Variants in SEMA5A observed in about 807,000 individuals in gnomAD.
The protein encoded by SEMA5A is semaphorin-5A.
In SEMA5A, 55 loss-of-function variants were observed where a neutral mutation model predicts 135.5. The ratio of observed to expected loss-of-function variants is 0.41; its 90% CI spans 0.33 to 0.51. SEMA5A has a LOEUF of 0.51. Among genes scored for constraint, SEMA5A ranks in the 20% least tolerant of loss-of-function variants. The probability of loss-of-function intolerance (pLI) is 0.37; values close to 1 mark genes in which losing one functional copy is unlikely to be tolerated. For missense variants in SEMA5A, 1,290 were observed against 1,419.9 expected, an observed-to-expected ratio of 0.91 and a Z score of 1.47; for synonymous variants, 580 against 546.5, an observed-to-expected ratio of 1.06 and a Z score of -0.85.
At chr5:9,216,831 G>C (rs114969421) in intron 8 of SEMA5A, among the ~76,000 whole-genome samples, 1,539 of 152,188 alleles carry the variant, frequency 0.01, 34 homozygotes, top group African/African-American at 0.035. Flanking sequence ...CCATTTGCTT[G>C]GTAGATTTTT....
At chr5:9,518,743 A>T (rs1736659938) in intron 1 of SEMA5A, among the ~76,000 whole-genome samples, 1 of 152,186 alleles carries the variant, frequency 6.6e-6, no homozygotes, top group Non-Finnish European at 1.5e-5. Flanking sequence ...GCTTGATCTT[A>T]ATGGAACCCC....
intron 1 of SEMA5A, among the ~76,000 whole-genome samples, chr5:9,501,754 G>A (rs910308767): frequency 2.6e-5 from 4 of 152,076 alleles, no homozygotes; most frequent in African/African-American, 4.8e-5. Context: ...GGTTCCAATC[G>A]TCACCCCAAG....
chr5:9,060,683 C>G (rs1737136278), intron 18 of SEMA5A, among the ~76,000 whole-genome samples: 1 of 152,030 alleles, frequency 6.6e-6, no homozygotes, highest in Non-Finnish European at 1.5e-5. Context: ...AGCAGAGACA[C>G]CCTAGGAGGA....
intron 1 of SEMA5A, among the ~76,000 whole-genome samples, chr5:9,535,138 T>C (rs16883076): frequency 1.3e-5 from 2 of 152,190 alleles, no homozygotes; most frequent in African/African-American, 4.8e-5. Flanking sequence ...GGCTTTCCTA[T>C]GCAGCAAGAC....
At chr5:9,129,123 G>C (rs117631769) in intron 13 of SEMA5A, among the ~76,000 whole-genome samples, 2 of 152,342 alleles carry the variant, frequency 1.3e-5, no homozygotes, top group East Asian at 3.9e-4. Context: ...CAAAAGAGGA[G>C]CTCATAAGAA....
intron 5 of SEMA5A, among the ~76,000 whole-genome samples, chr5:9,281,613 T>C (rs1031431658): frequency 6.6e-6 from 1 of 152,206 alleles, no homozygotes; most frequent in African/African-American, 2.4e-5. Flanking sequence ...ACTTATGGAC[T>C]AACAGGGTTC....
Position 9,323,056 on chromosome 5 carries a change from T to G in SEMA5A, c.225-4639A>C, listed in dbSNP as rs201422391. ...GAGGAGAACAGTTTGAGCCTACGGG[T>G]CTGGCTGTTTAAATGGCACCTCTTT... On this transcript the variant is annotated intron_variant, in intron 4 of 22. Coordinates refer to ENST00000382496, the MANE Select transcript of SEMA5A (RefSeq NM_003966.3). Among the ~76,000 whole-genome samples, 3 of 152,232 alleles carry G rather than the reference T, an allele frequency of 2.0e-5. No homozygotes were observed. In the East Asian group the frequency reaches 5.8e-4, roughly 29 times the overall value.
intron 8 of SEMA5A, among the ~76,000 whole-genome samples, chr5:9,219,089 T>G (rs141491674): frequency 6.6e-6 from 1 of 152,222 alleles, no homozygotes; most frequent in Non-Finnish European, 1.5e-5. Context: ...GTAAGACAAA[T>G]TTATGCCCCA....
chr5:9,448,443 T>C (rs911673831), intron 1 of SEMA5A, among the ~76,000 whole-genome samples: 1 of 152,196 alleles, frequency 6.6e-6, no homozygotes, highest in East Asian at 1.9e-4. Context: ...AGCAGGGAGT[T>C]AGCCCCGCCC....
chr5:9,497,904 C>A (rs940775684), intron 1 of SEMA5A, among the ~76,000 whole-genome samples: 4 of 152,174 alleles, frequency 2.6e-5, no homozygotes, highest in African/African-American at 7.2e-5. Context: ...CTATTATTTT[C>A]TAACTTAGTA....
chr5:9,343,399 G>A (rs761485616), intron 3 of SEMA5A, among the ~76,000 whole-genome samples: 25 of 152,216 alleles, frequency 1.6e-4, no homozygotes, highest in Non-Finnish European at 3.1e-4. Context: ...ACAAGGTACT[G>A]TCCTGAAAAT....
intron 19 of SEMA5A, 115 bp downstream of exon 19, chr5:9,053,972 G>T (rs1473782419): frequency 5.8e-6 from 7 of 1,217,046 alleles, no homozygotes; most frequent in Non-Finnish European, 6.8e-6. Flanking sequence ...TTGCTAACTT[G>T]CCCACCCCCC....
intron 9 of SEMA5A, 151 bp downstream of exon 9, chr5:9,201,804 C>T: frequency 3.0e-6 from 2 of 673,660 alleles, no homozygotes; most frequent in Non-Finnish European, 5.0e-6. Context: ...AACATGTAGT[C>T]TACTGAAAAG....
intron 1 of SEMA5A, among the ~76,000 whole-genome samples, chr5:9,473,334 ATACT>A (rs946063410): frequency 7.4e-6 from 1 of 135,024 alleles, no homozygotes; most frequent in African/African-American, 2.7e-5. Flanking sequence ...CTGGTGACTA[ATACT>A]TCTTTAATTA....
chr5:9,305,798 C>T (rs1003503539), intron 5 of SEMA5A, among the ~76,000 whole-genome samples: 1 of 151,470 alleles, frequency 6.6e-6, no homozygotes, highest in African/African-American at 2.4e-5. Context: ...TGAATTCTCC[C>T]CTTCTTTTTT....
intron 13 of SEMA5A, among the ~76,000 whole-genome samples, chr5:9,123,505 G>A (rs1579436276): frequency 6.6e-6 from 1 of 151,958 alleles, no homozygotes; most frequent in East Asian, 1.9e-4. Flanking sequence ...GGGCTGAGAA[G>A]AGAGGAGGAG....
chr5:9,332,266 G>C (rs533945241), intron 4 of SEMA5A, among the ~76,000 whole-genome samples: 33 of 145,344 alleles, frequency 2.3e-4, no homozygotes, highest in African/African-American at 8.3e-4. Context: ...TGGTACATTG[G>C]GTCAGGTGTG....
chr5:9,461,972 T>A (rs1759073592), intron 1 of SEMA5A, among the ~76,000 whole-genome samples: 1 of 152,144 alleles, frequency 6.6e-6, no homozygotes, highest in Non-Finnish European at 1.5e-5. Flanking sequence ...ACACTGAAAC[T>A]GTGGCAACAT....
intron 1 of SEMA5A, among the ~76,000 whole-genome samples, chr5:9,502,603 C>T (rs1735652938): frequency 6.6e-6 from 1 of 152,188 alleles, no homozygotes; most frequent in Non-Finnish European, 1.5e-5. Flanking sequence ...GTCAGCCAGC[C>T]TAGTCCTGCC....
Sources: gnomAD v4.1 joint callset for allele counts (sites outside exome capture counted in the v4.1 genomes callset) on GRCh38, gnomAD v4.1.1 for gene constraint, MANE v1.5 for transcripts, NCBI Gene and HGNC (gene_info 2026-07-23, HGNC 2026-07-21) for gene names.